Variants in USP32 observed in about 807,000 individuals in gnomAD.
The protein encoded by USP32 is ubiquitin carboxyl-terminal hydrolase 32.
Under a neutral mutation model 204.8 loss-of-function variants are expected in USP32, and 59 were observed. That is an observed-to-expected ratio of 0.29 (90% confidence interval 0.23 to 0.36). The LOEUF (loss-of-function observed/expected upper bound fraction) is 0.36. Among genes scored for constraint, USP32 ranks in the 10% least tolerant of loss-of-function variants. USP32 has a pLI of 1.00. For synonymous variants in USP32, 517 were observed against 678.4 expected, an observed-to-expected ratio of 0.76 and a Z score of 3.70; for missense variants, 1,160 against 1,946.4, an observed-to-expected ratio of 0.60 and a Z score of 7.60.
intron 2 of USP32, 51 bp from the exon 3 acceptor site, chr17:60,301,755 A>G (rs1206338002): frequency 7.7e-7 from 1 of 1,291,258 alleles, no homozygotes; most frequent in Non-Finnish European, 1.1e-6. Flanking sequence ...GTTGTTGAGG[A>G]ATCTGAGGCA....
At chr17:60,372,381 C>T (rs2089457997) in intron 1 of USP32, among the ~76,000 whole-genome samples, 1 of 152,156 alleles carries the variant, frequency 6.6e-6, no homozygotes, top group African/African-American at 2.4e-5. Flanking sequence ...ATGGTATAGA[C>T]TACTACACAC....
intron 5 of USP32, among the ~76,000 whole-genome samples, chr17:60,276,966 T>TATATATATATATATATATATATAA (rs60544670): frequency 1.3e-5 from 2 of 149,816 alleles, no homozygotes; most frequent in African/African-American, 5.0e-5. Context: ...TATATATATA[T>TATATATATATATATATATATATAA]AAAATTACCA....
intron 1 of USP32, among the ~76,000 whole-genome samples, chr17:60,388,096 T>C (rs1309774805): frequency 2.0e-5 from 3 of 152,104 alleles, no homozygotes; most frequent in African/African-American, 7.2e-5. Flanking sequence ...AAAAATCTGC[T>C]GAATTAATGA....
At position 60,392,064 on chromosome 17, in the gene USP32, C is replaced by G; in HGVS notation, c.-125G>C. ...CGTCCCCCGCCCCCACCTCCCCCCACACTAACAAGTGCGGCTTCTGCCCCG... is the reference window on the plus strand; with the variant it reads ...CGTCCCCCGCCCCCACCTCCCCCCAGACTAACAAGTGCGGCTTCTGCCCCG... On this transcript the variant is annotated 5_prime_UTR_variant, in exon 1 of 34. Transcript: ENST00000300896. The G allele has an allele frequency of 8.7e-7, 1 of 1,151,080 alleles. No homozygotes were observed. 71.3% of individuals were successfully genotyped at this position (1,151,080 alleles called of 1,614,324 possible).
intron 2 of USP32, among the ~76,000 whole-genome samples, chr17:60,332,955 T>C (rs1450605330): frequency 6.6e-6 from 1 of 152,168 alleles, no homozygotes; most frequent in Non-Finnish European, 1.5e-5. Context: ...AACATCTTAC[T>C]CTATGTATAG....
chr17:60,180,867 C>CTAT (rs35652936), intron 32 of USP32, among the ~76,000 whole-genome samples: 18,385 of 147,434 alleles, frequency 0.12, 1,486 homozygotes, highest in Middle Eastern at 0.25. Flanking sequence ...ATTGTAATTA[C>CTAT]TATTATTATT....
At chr17:60,336,529 A>C (rs1403955535) in intron 2 of USP32, among the ~76,000 whole-genome samples, 2 of 140,502 alleles carry the variant, frequency 1.4e-5, no homozygotes, top group East Asian at 3.9e-4. Flanking sequence ...TCCCGGCTAA[A>C]ACGGTGAAAC....
chr17:60,186,577 A>G (rs2084256266), intron 29 of USP32, among the ~76,000 whole-genome samples: 1 of 152,204 alleles, frequency 6.6e-6, no homozygotes, highest in African/African-American at 2.4e-5. Context: ...GATGGCAACA[A>G]AAGGAAGAGC....
intron 11 of USP32, chr17:60,245,443 T>C (rs2085993152): frequency 2.8e-6 from 1 of 361,312 alleles, no homozygotes; most frequent in Non-Finnish European, 5.3e-6. Context: ...CTCCTTGACA[T>C]TGCGGACCAG....
At position 60,179,223 on chromosome 17, in the gene USP32, C is replaced by G. The variant is rs376216867; in HGVS notation, c.*32G>C. The G allele has an allele frequency of 1.3e-6, 2 of 1,598,332 alleles. No homozygotes were observed. Among genetic ancestry groups the G allele is most frequent in the Non-Finnish European group, 1.7e-6 (2 of 1,169,178 alleles). ...AGCTACAAGGAGTCATCTCCCTCAC[C>G]GCCAAGCTGTCTAGCAGCCAGAGTG... On this transcript the variant is annotated 3_prime_UTR_variant, in exon 34 of 34. Coordinates refer to ENST00000300896, the MANE Select transcript of USP32 (RefSeq NM_032582.4).
rs2084894045 is a variant in USP32, at chr17:60,208,816, G to T, written c.2611C>A (p.His871Asn). The change falls in exon 23 of 34, where the codon CAT becomes AAT. Residue 871 changes from histidine (H) to asparagine (N), a missense_variant. His to Asn is a moderately conservative substitution (Grantham distance 68). Coordinates refer to ENST00000300896, the MANE Select transcript of USP32 (RefSeq NM_032582.4). ...WEVAAEAWDN[H>N]LRRNRSIVVD... ...ACAATTGATCTATTTCTTCTTAGATGGTTGTCCCAGGCCTAGCAATAAAAA... is the reference window on the plus strand; with the variant it reads ...ACAATTGATCTATTTCTTCTTAGATTGTTGTCCCAGGCCTAGCAATAAAAA... 1 of 1,599,712 alleles carries T rather than the reference G, an allele frequency of 6.3e-7. No individual in the cohort carries two copies. Among genetic ancestry groups the T allele is most frequent in the South Asian group, 1.1e-5 (1 of 87,932 alleles).
chr17:60,184,750 CG>C (rs1392397376), intron 30 of USP32, among the ~76,000 whole-genome samples: 1 of 141,536 alleles, frequency 7.1e-6, no homozygotes, highest in African/African-American at 2.6e-5. Flanking sequence ...GTGGAGGTTG[CG>C]GTGAGCTGAG....
At chr17:60,194,053 T>A (rs2084452008) in intron 27 of USP32, among the ~76,000 whole-genome samples, 1 of 152,110 alleles carries the variant, frequency 6.6e-6, no homozygotes, top group Non-Finnish European at 1.5e-5. Context: ...TTTTCCATTT[T>A]TTTTTTTGAG....
At chr17:60,361,258 T>C (rs1054497581) in intron 1 of USP32, among the ~76,000 whole-genome samples, 3 of 152,178 alleles carry the variant, frequency 2.0e-5, no homozygotes, top group Non-Finnish European at 2.9e-5. Context: ...CCCCAAGAGA[T>C]AATCAGTTTG....
In USP32 at chr17:60,183,344, C is replaced by T. The variant is rs1458351472; in HGVS notation, c.3944G>A (p.Arg1315Lys). The change falls in exon 31 of 34, where the codon AGA becomes AAA. Residue 1315 changes from arginine to lysine, a missense_variant. Physicochemically the swap from Arg to Lys is conservative, Grantham distance 26. Around this residue, in one of 8 missense-constraint regions of USP32, gnomAD observed 244 missense variants for 342.3 expected, o/e 0.71. Coordinates refer to ENST00000300896, the MANE Select transcript of USP32 (RefSeq NM_032582.4). Reference protein sequence around the residue: ...SFDPSAFLVPRDPALCQHKPL... With the variant: ...SFDPSAFLVPKDPALCQHKPL... The stretch of plus-strand genomic sequence containing the variant: ...TTTATGCTGGCAGAGAGCCGGGTCT[C>T]TTGGTACCAAAAAAGCACTTGGATC... 1 of 1,613,836 alleles carries T rather than the reference C, an allele frequency of 6.2e-7. No individual in the cohort carries two copies. Among genetic ancestry groups the T allele is most frequent in the East Asian group, 2.2e-5 (1 of 44,886 alleles).
At position 60,198,369 on chromosome 17, in the gene USP32, A is replaced by G. The variant is rs2084579001; in HGVS notation, c.3325T>C (p.Cys1109Arg). The G allele has an allele frequency of 1.9e-6, 3 of 1,614,208 alleles. No homozygotes were observed. Among genetic ancestry groups the G allele is most frequent in the East Asian group, 4.5e-5 (2 of 44,878 alleles). ...SLFGMPLIVP[C>R]TVHTRKKDLY... ...TCTTTCTTCCGGGTATGCACAGTAC[A>G]TGGAACAATCAATGGCATTCCAAAG... Residue 1109 changes from cysteine to arginine, a missense_variant, in exon 27 of 34, where the codon TGT (cysteine) becomes CGT (arginine). Around this residue, in one of 8 missense-constraint regions of USP32, gnomAD observed 160 missense variants for 322.5 expected, o/e 0.50. Transcript: ENST00000300896.
At chr17:60,288,176 G>A (rs1383126714) in intron 5 of USP32, among the ~76,000 whole-genome samples, 1 of 147,070 alleles carries the variant, frequency 6.8e-6, no homozygotes, top group Non-Finnish European at 1.5e-5. Flanking sequence ...AACTGTAATC[G>A]TGACTCAAGA....
intron 16 of USP32, among the ~76,000 whole-genome samples, chr17:60,216,291 C>CAA (rs4047751): frequency 5.3e-5 from 6 of 112,484 alleles, no homozygotes; most frequent in Admixed American, 8.8e-5. Flanking sequence ...AGAGAGGTGG[C>CAA]AAAAAAAAAA....
intron 4 of USP32, among the ~76,000 whole-genome samples, chr17:60,292,069 C>T (rs1243358179): frequency 1.3e-5 from 2 of 151,986 alleles, no homozygotes; most frequent in Non-Finnish European, 2.9e-5. Flanking sequence ...TCTCAGTGAT[C>T]AAAGGTCAAC....
Sources: allele counts gnomAD v4.1 joint callset (sites outside exome capture counted in the v4.1 genomes callset), GRCh38; gene constraint gnomAD v4.1.1; regional missense constraint gnomAD v4.1.1; transcripts MANE v1.5; gene names NCBI Gene and HGNC (gene_info 2026-07-23, HGNC 2026-07-21).